The following POLR1A variants were observed in gnomAD, a reference collection of about 807,000 sequenced individuals.
POLR1A encodes the protein DNA-directed RNA polymerase I subunit RPA1.
POLR1A carries 84 observed loss-of-function variants against 205.3 expected under a neutral mutation model. The observed-to-expected ratio is 0.41, with a 90% CI of 0.34 to 0.49. The LOEUF is 0.49. Ranked by LOEUF, POLR1A falls within the 20% of genes least tolerant of loss-of-function variation. The pLI is 0.22. For synonymous variants in POLR1A, 799 were observed against 863.7 expected (o/e 0.93, Z 1.31); for missense variants, 1,645 against 2,204.5 (o/e 0.75, Z 5.08).
At chr2:86,077,298 G>T (rs968234800) in intron 11 of POLR1A, among the ~76,000 whole-genome samples, 2 of 152,178 alleles carry the variant, frequency 1.3e-5, no homozygotes, top group East Asian at 1.9e-4. Context: ...GAGGGGGTCG[G>T]GGGGAGAGCA....
At chr2:86,066,686 T>C (rs1209783399) in intron 13 of POLR1A, among the ~76,000 whole-genome samples, 1 of 152,204 alleles carries the variant, frequency 6.6e-6, no homozygotes, top group Non-Finnish European at 1.5e-5. Flanking sequence ...GCACCAGAAA[T>C]TTAACCATAT....
chr2:86,067,449 T>G lies in POLR1A; in HGVS notation c.1867-1984A>C, dbSNP rs1573820215. ...ATAAATAAACAGAAGGAAAAAAAATTAGTCCAAAAAGTAACACATAAATGA... is the reference window on the plus strand; with the variant it reads ...ATAAATAAACAGAAGGAAAAAAAATGAGTCCAAAAAGTAACACATAAATGA... On this transcript the variant is annotated intron_variant, in intron 13 of 33. Coordinates refer to ENST00000263857, the MANE Select transcript of POLR1A (RefSeq NM_015425.6). Among the ~76,000 whole-genome samples, 3 of 152,122 alleles carry G rather than the reference T, an allele frequency of 2.0e-5. No homozygotes were observed. The East Asian group carries it at 5.8e-4, about 29-fold the overall frequency.
intron 11 of POLR1A, among the ~76,000 whole-genome samples, chr2:86,076,249 T>C (rs547183593): frequency 1.2e-4 from 19 of 152,306 alleles, no homozygotes; most frequent in African/African-American, 3.6e-4. Context: ...AAGGAACTTG[T>C]CTAGCTTTGT....
intron 18 of POLR1A, among the ~76,000 whole-genome samples, 177 bp from the exon 19 acceptor site, chr2:86,047,440 CCT>C (rs1261977385): frequency 6.6e-6 from 1 of 152,178 alleles, no homozygotes; most frequent in Non-Finnish European, 1.5e-5. Context: ...CCCTGGAACC[CCT>C]GAGAGGTCAA....
chr2:86,058,548 A>C (rs1288085587), intron 14 of POLR1A, among the ~76,000 whole-genome samples: 2 of 150,362 alleles, frequency 1.3e-5, no homozygotes. Context: ...AAAAAAAAAA[A>C]AACATAAAGG....
chr2:86,062,635 G>A lies in POLR1A; in HGVS notation c.2058+2639C>T, dbSNP rs375482093. On this transcript the variant is annotated intron_variant, in intron 14 of 33. Coordinates refer to ENST00000263857, the MANE Select transcript of POLR1A (RefSeq NM_015425.6). ...AAAAGGGGTCTCAAATTGACTTAAA[G>A]AACTTAAAGAACTAGGAAAAAAAAA... Among the ~76,000 whole-genome samples the A allele has an allele frequency of 4.8e-4, 72 of 150,342 alleles. No homozygotes were observed. In the South Asian group the frequency reaches 0.015, roughly 31 times the overall value.
chr2:86,082,103 T>C (rs1673414819), intron 7 of POLR1A, among the ~76,000 whole-genome samples: 1 of 152,108 alleles, frequency 6.6e-6, no homozygotes. Context: ...CCCATATTGC[T>C]GTGATTGGAG....
chr2:86,038,579 G>A lies in POLR1A; in HGVS notation c.4034+121C>T, dbSNP rs964309911. 7 of 917,016 alleles carry A rather than the reference G, an allele frequency of 7.6e-6. No homozygotes were observed. In the African/African-American group the frequency reaches 9.9e-5, roughly 13 times the overall value. The allele number at this position is 917,016 out of a possible 1,614,324, so 56.8% of individuals were successfully genotyped here. ...CCTCTGCTTCCTAAACACTTCCCTT[G>A]AAGGGCTCATTTGGGCAAAGGCACT... On this transcript the variant is annotated intron_variant, in intron 27 of 33. Transcript: ENST00000263857.
chr2:86,074,899 C>T (rs1234662597), intron 12 of POLR1A, 131 bp downstream of exon 12: 8 of 645,834 alleles, frequency 1.2e-5, no homozygotes, highest in Admixed American at 2.9e-5. Flanking sequence ...AAGCCACCCA[C>T]GTGTCGGGGA....
intron 14 of POLR1A, among the ~76,000 whole-genome samples, chr2:86,063,335 C>CAAAAAAAAAAAAAAAAAAAA (rs34298205): frequency 2.4e-5 from 1 of 41,230 alleles, no homozygotes; most frequent in Admixed American, 5.0e-4. Flanking sequence ...AACTCCATCT[C>CAAAAAAAAAAAAAAAAAAAA]AAAAAAAAAA....
chr2:86,048,765 C>T (rs1269416124), intron 18 of POLR1A, 119 bp downstream of exon 18: 17 of 868,384 alleles, frequency 2.0e-5, no homozygotes. Flanking sequence ...CGCATCTCAC[C>T]TAGTCAGCTG....
chr2:86,087,754 GC>G (rs201834055), intron 6 of POLR1A, among the ~76,000 whole-genome samples: 2 of 65,198 alleles, frequency 3.1e-5, no homozygotes, highest in African/African-American at 6.4e-5. Flanking sequence ...CGTTGGCCAG[GC>G]CGGTCTTGAA....
At chr2:86,059,351 C>T (rs1327156952) in intron 14 of POLR1A, among the ~76,000 whole-genome samples, 2 of 152,192 alleles carry the variant, frequency 1.3e-5, no homozygotes, top group African/African-American at 4.8e-5. Context: ...CTTTGGAGGA[C>T]TTGGTGGCTC....
intron 11 of POLR1A, among the ~76,000 whole-genome samples, chr2:86,077,462 G>A (rs892335620): frequency 6.6e-6 from 1 of 152,168 alleles, no homozygotes; most frequent in Non-Finnish European, 1.5e-5. Context: ...ACTGATAACT[G>A]ATATGCCCCA....
chr2:86,103,929 C>T (rs1173988796), intron 1 of POLR1A, among the ~76,000 whole-genome samples: 1 of 152,140 alleles, frequency 6.6e-6, no homozygotes, highest in African/African-American at 2.4e-5. Context: ...GAGGGAATAG[C>T]TTAAAGAAAG....
At chr2:86,040,141 G>C in intron 25 of POLR1A, 1 of 369,030 alleles carries the variant, frequency 2.7e-6, no homozygotes, top group Non-Finnish European at 4.9e-6. Context: ...AGTCTCACAG[G>C]CATCCCCAGG....
rs1690111256 is a variant in POLR1A, at chr2:86,020,560, A to AAG, written c.*6862_*6863insCT. On this transcript the variant is annotated 3_prime_UTR_variant, in exon 34 of 34. Coordinates refer to ENST00000263857, the MANE Select transcript of POLR1A (RefSeq NM_015425.6). ...GAGACCCCGTCTCAAAAAAAAAAAA[A>AAG]AAAAAAAAAAGATGCCACTGCTTCA... 1 of 152,022 alleles carries AAG rather than the reference A, an allele frequency of 6.6e-6. No homozygotes were observed. The highest frequency in any genetic ancestry group is 1.9e-4 in the East Asian group (1 of 5,214). The allele number at this position is 152,022 out of a possible 1,614,324, so 9.4% of individuals were successfully genotyped here.
chr2:86,084,588 CTAAGT>C (rs778016182), intron 6 of POLR1A, among the ~76,000 whole-genome samples: 3 of 151,830 alleles, frequency 2.0e-5, no homozygotes, highest in Non-Finnish European at 2.9e-5. Flanking sequence ...ACAGCAAATT[CTAAGT>C]TAAGAGTATA....
At chr2:86,087,691 C>T (rs906463693) in intron 6 of POLR1A, among the ~76,000 whole-genome samples, 1 of 152,060 alleles carries the variant, frequency 6.6e-6, no homozygotes, top group Non-Finnish European at 1.5e-5. Context: ...TACAGGTGCC[C>T]GCCACCACGC....
Sources: allele counts gnomAD v4.1 joint callset (sites outside exome capture counted in the v4.1 genomes callset), GRCh38; gene constraint gnomAD v4.1.1; transcripts MANE v1.5; gene names NCBI Gene and HGNC (gene_info 2026-07-23, HGNC 2026-07-21).